Variants in ANK3 observed in about 807,000 individuals in gnomAD.
ANK3 encodes ankyrin-3.
In ANK3, 57 loss-of-function variants were observed where a neutral mutation model predicts 370.9. The observed-to-expected ratio is 0.15, with a 90% CI of 0.12 to 0.19. ANK3 has a LOEUF of 0.19. Ranked by LOEUF, ANK3 falls within the 10% of genes least tolerant of loss-of-function variation. The pLI is 1.00. For missense variants in ANK3, 4,439 were observed against 5,302.1 expected (o/e 0.84, Z 5.06); for synonymous variants, 1,929 against 1,946.3 (o/e 0.99, Z 0.23).
intron 1 of ANK3, among the ~76,000 whole-genome samples, chr10:60,284,583 G>A (rs12770090): frequency 0.15 from 22,452 of 151,416 alleles, 1,731 homozygotes; most frequent in Non-Finnish European, 0.17. Context: ...TCATTCATTC[G>A]TTCATTTTCC....
At chr10:60,236,176 AAGAAG>A (rs2097330012) in intron 7 of ANK3, among the ~76,000 whole-genome samples, 1 of 152,078 alleles carries the variant, frequency 6.6e-6, no homozygotes, top group African/African-American at 2.4e-5. Context: ...GAAGGAGTTT[AAGAAG>A]AGGAGAAAGA....
chr10:60,402,672 G>C (rs2063375305), intron 2 of ANK3, among the ~76,000 whole-genome samples: 1 of 152,188 alleles, frequency 6.6e-6, no homozygotes, highest in South Asian at 2.1e-4. Context: ...CTTCCATTCT[G>C]TTTAGGAACA....
At chr10:60,467,690 T>C (rs1279430826) in intron 2 of ANK3, among the ~76,000 whole-genome samples, 1 of 152,158 alleles carries the variant, frequency 6.6e-6, no homozygotes, top group African/African-American at 2.4e-5. Flanking sequence ...TATTATTCTT[T>C]TCGAACTAAA....
chr10:60,394,730 A>C (rs556719450), upstream of ANK3, among the ~76,000 whole-genome samples: 30 of 152,302 alleles, frequency 2.0e-4, no homozygotes, highest in Admixed American at 3.9e-4. Flanking sequence ...CAGAGTTCTG[A>C]GTGCAAAGCA....
intron 2 of ANK3, among the ~76,000 whole-genome samples, chr10:60,593,822 A>C (rs2077950120): frequency 6.6e-6 from 1 of 152,196 alleles, no homozygotes; most frequent in Non-Finnish European, 1.5e-5. Context: ...AAAAGCTACA[A>C]ACAGGAAAAT....
chr10:60,415,379 A>T (rs1401993704), intron 2 of ANK3, among the ~76,000 whole-genome samples: 2 of 152,114 alleles, frequency 1.3e-5, no homozygotes, highest in African/African-American at 4.8e-5. Context: ...AAAACGTAAA[A>T]AGAACCTTTA....
chr10:60,597,035 T>C (rs1441452659), intron 2 of ANK3, among the ~76,000 whole-genome samples: 1 of 152,204 alleles, frequency 6.6e-6, no homozygotes, highest in Non-Finnish European at 1.5e-5. Flanking sequence ...TTTTCCTGAT[T>C]TAAAAAATGC....
Position 60,326,590 on chromosome 10 carries a change from ACT to A in ANK3, c.115-46953_115-46952del, listed in dbSNP as rs2049926965. Among the ~76,000 whole-genome samples the A allele has an allele frequency of 2.0e-5, 3 of 151,834 alleles. No individual in the cohort carries two copies. In the South Asian group the frequency reaches 6.3e-4, roughly 32 times the overall value. On this transcript the variant is annotated intron_variant, in intron 1 of 43. Transcript: ENST00000280772. ...CTTTCAGTCATAGTCTCCCTGGAAG[ACT>A]CTCTGACCATCGCTGCCACCTGTTC...
chr10:60,605,776 T>A (rs1196227708), intron 2 of ANK3, among the ~76,000 whole-genome samples: 1 of 152,212 alleles, frequency 6.6e-6, no homozygotes, highest in East Asian at 1.9e-4. Context: ...GAGATTCAGT[T>A]TGTTTATCTA....
At chr10:60,501,358 C>A (rs147973299) in intron 2 of ANK3, among the ~76,000 whole-genome samples, 1 of 152,148 alleles carries the variant, frequency 6.6e-6, no homozygotes, top group South Asian at 2.1e-4. Context: ...AAATGACAAA[C>A]CACAGTGCTG....
intron 43 of ANK3, among the ~76,000 whole-genome samples, chr10:60,036,327 G>GT (rs889705394): frequency 2.7e-5 from 4 of 148,574 alleles, no homozygotes; most frequent in South Asian, 2.1e-4. Context: ...TCTATTCTTG[G>GT]TTTTTTTAAT....
At chr10:60,391,722 A>G (rs2063111697), upstream of ANK3, among the ~76,000 whole-genome samples, 1 of 152,204 alleles carries the variant, frequency 6.6e-6, no homozygotes, top group Non-Finnish European at 1.5e-5. Context: ...GCAAAGCACT[A>G]TACTTTCTCA....
intron 2 of ANK3, among the ~76,000 whole-genome samples, chr10:60,543,955 T>C (rs774535747): frequency 1.2e-4 from 19 of 152,068 alleles, no homozygotes; most frequent in Admixed American, 3.3e-4. Flanking sequence ...TTATTGTTTT[T>C]GTTGCTTCAT....
At chr10:60,032,219 T>TTTTTTTTTTTTTTTTTTTTTTA (rs2073819598) in intron 43 of ANK3, among the ~76,000 whole-genome samples, 1 of 127,558 alleles carries the variant, frequency 7.8e-6, no homozygotes, top group Non-Finnish European at 1.7e-5. Context: ...TTTTTTTTTT[T>TTTTTTTTTTTTTTTTTTTTTTA]GAGACGAAGT....
At chr10:60,433,152 C>A (rs2064072160) in intron 2 of ANK3, among the ~76,000 whole-genome samples, 1 of 129,944 alleles carries the variant, frequency 7.7e-6, no homozygotes, top group Non-Finnish European at 1.8e-5. Flanking sequence ...CAAAGAACAA[C>A]ACTGAAAAAG....
intron 1 of ANK3, among the ~76,000 whole-genome samples, chr10:60,313,465 C>G (rs1341681502): frequency 6.6e-6 from 1 of 152,144 alleles, no homozygotes; most frequent in African/African-American, 2.4e-5. Context: ...GTCTTTCCTG[C>G]AGGAAAGGAT....
intron 26 of ANK3, among the ~76,000 whole-genome samples, chr10:60,112,058 G>T (rs10994204): frequency 0.19 from 29,478 of 152,106 alleles, 3,358 homozygotes; most frequent in East Asian, 0.52. Context: ...CATGTCTATT[G>T]TCTCTCTTGT....
At chr10:60,357,139 T>C (rs2132719836) in intron 1 of ANK3, among the ~76,000 whole-genome samples, 1 of 152,326 alleles carries the variant, frequency 6.6e-6, no homozygotes, top group African/African-American at 2.4e-5. Flanking sequence ...CTTTGCAGCT[T>C]CAACATTCAG....
rs544365078 is a variant in ANK3, at chr10:60,669,155, T to C, written c.58-53931A>G. Among the ~76,000 whole-genome samples the C allele has an allele frequency of 5.9e-5, 9 of 152,254 alleles. No individual in the cohort carries two copies. In the East Asian group the frequency reaches 1.5e-3, roughly 26 times the overall value. ...CAGGTTTTTCTCCTTTCAGGCTGGATTGAGGATTGAACTGATTGTATTTAT... is the reference window on the plus strand; with the variant it reads ...CAGGTTTTTCTCCTTTCAGGCTGGACTGAGGATTGAACTGATTGTATTTAT... On this transcript the variant is annotated intron_variant, in intron 1 of 43. Coordinates refer to the ANK3 transcript ENST00000373827.
Sources: gnomAD v4.1 joint callset for allele counts (sites outside exome capture counted in the v4.1 genomes callset) on GRCh38, gnomAD v4.1.1 for gene constraint, MANE v1.5 for transcripts, NCBI Gene and HGNC (gene_info 2026-07-23, HGNC 2026-07-21) for gene names.